Variants in XYLT1 observed in about 807,000 individuals in gnomAD.
XYLT1 encodes the protein xylosyltransferase 1, also known as beta-D-xylosyltransferase 1.
A neutral mutation model predicts 91.3 loss-of-function variants in XYLT1; 36 were observed. The ratio of observed to expected loss-of-function variants is 0.39; its 90% CI spans 0.30 to 0.52. The LOEUF is 0.52. XYLT1 is among the 20% of genes least tolerant of loss of function. XYLT1 has a pLI of 0.68. For missense variants in XYLT1, 1,242 were observed against 1,284.5 expected (o/e 0.97, Z 0.51); for synonymous variants, 588 against 532.0 (o/e 1.11, Z -1.45).
intron 1 of XYLT1, among the ~76,000 whole-genome samples, chr16:17,466,636 T>C (rs1448581141): frequency 7.2e-5 from 11 of 152,100 alleles, no homozygotes. Context: ...AAAAAATGAA[T>C]TGATAAACTG....
At chr16:17,145,732 G>T (rs1428144001) in intron 6 of XYLT1, among the ~76,000 whole-genome samples, 1 of 152,218 alleles carries the variant, frequency 6.6e-6, no homozygotes, top group Non-Finnish European at 1.5e-5. Flanking sequence ...ATGCCTGAAT[G>T]ATTTCAACTT....
chr16:17,113,514 T>G (rs887484933), intron 11 of XYLT1, among the ~76,000 whole-genome samples: 1 of 152,216 alleles, frequency 6.6e-6, no homozygotes, highest in African/African-American at 2.4e-5. Context: ...TTTCTTACAA[T>G]GTTGGGCACT....
rs1347219754 is a variant in XYLT1, at chr16:17,470,704, G to A, written c.93C>T (p.Val31=). 1.3e-4 allele frequency: 151 copies of A among 1,166,590 alleles called. 1 individual carries two copies. The highest frequency in any genetic ancestry group is 1.6e-4 in the Non-Finnish European group (144 of 927,010). The allele number at this position is 1,166,590 out of a possible 1,614,324, so 72.3% of individuals were successfully genotyped here. ...AGTCGAGGCTGCTGAAATTCCACAC[G>A]ACCAGCGTCTGCAGCAGCAGCACCG... ...ALTVLLLQTL[V]VWNFSSLDSG... is the part of the protein sequence containing the mutation. Residue 31 remains valine (V), a synonymous_variant, in exon 1 of 12, where the codon GTC becomes GTT. Coordinates refer to ENST00000261381, the MANE Select transcript of XYLT1 (RefSeq NM_022166.4).
chr16:17,117,841 C>CG lies in XYLT1; in HGVS notation c.2361dup (p.Val788ArgfsTer13). On this transcript the variant is annotated frameshift_variant, in exon 11 of 12. Transcript: ENST00000261381. LOFTEE classifies it high-confidence loss of function. Reference sequence around the variant, plus strand: ...TCGTAGGTGGCTGCGATGACATTGACGGGATCCACCCAAATGACGGTCACG... The same window carrying CG: ...TCGTAGGTGGCTGCGATGACATTGACGGGGATCCACCCAAATGACGGTCACG... 1 of 1,614,106 alleles carries CG rather than the reference C, an allele frequency of 6.2e-7. No individual in the cohort carries two copies. Among genetic ancestry groups the CG allele is most frequent in the Non-Finnish European group, 8.5e-7 (1 of 1,180,016 alleles).
At chr16:17,179,432 T>C (rs574354594) in intron 5 of XYLT1, among the ~76,000 whole-genome samples, 6 of 152,318 alleles carry the variant, frequency 3.9e-5, no homozygotes, top group African/African-American at 1.4e-4. Flanking sequence ...CTTTTTTGGG[T>C]CATTCACAAT....
In XYLT1 at chr16:17,456,051, TA is replaced by T. The variant is rs2036737217; in HGVS notation, c.363+14382del. 7.9e-5 allele frequency among the ~76,000 whole-genome samples: 12 copies of T among 152,314 alleles called. 1 individual carries two copies. In the South Asian group the frequency reaches 2.5e-3, roughly 32 times the overall value. On this transcript the variant is annotated intron_variant, in intron 1 of 11. Coordinates refer to ENST00000261381, the MANE Select transcript of XYLT1 (RefSeq NM_022166.4). The stretch of plus-strand genomic sequence containing the variant: ...TATCAAAATATTACGTGTCAGGTGC[TA>T]CCTCTCTGCTGCAAGACTATGGATG...
intron 3 of XYLT1, among the ~76,000 whole-genome samples, chr16:17,212,484 C>T (rs1412884046): frequency 6.6e-6 from 1 of 152,112 alleles, no homozygotes; most frequent in Non-Finnish European, 1.5e-5. Context: ...TTAAAAAACG[C>T]ATCTCTCGAG....
intron 1 of XYLT1, among the ~76,000 whole-genome samples, chr16:17,375,265 A>G (rs914475042): frequency 6.6e-6 from 1 of 152,144 alleles, no homozygotes; most frequent in African/African-American, 2.4e-5. Context: ...CAACATCTCT[A>G]TGAAGTACAT....
At position 17,341,231 on chromosome 16, in the gene XYLT1, C is replaced by A. The variant is rs560935193; in HGVS notation, c.402+16781G>T. ...ATAGTTTAAAATAGGGGGAAAAAAA[C>A]CAATCTAAATGTCTACCAACAGGAA... On this transcript the variant is annotated intron_variant, in intron 2 of 11. Coordinates refer to ENST00000261381, the MANE Select transcript of XYLT1 (RefSeq NM_022166.4). 2.3e-3 allele frequency among the ~76,000 whole-genome samples: 348 copies of A among 152,196 alleles called. 1 individual carries two copies. Among genetic ancestry groups the A allele is most frequent in the African/African-American group, 7.4e-3 (306 of 41,544 alleles).
chr16:17,131,359 A>C (rs2030466962), intron 9 of XYLT1, among the ~76,000 whole-genome samples: 1 of 152,210 alleles, frequency 6.6e-6, no homozygotes, highest in African/African-American at 2.4e-5. Flanking sequence ...AATGCAACCG[A>C]AGTATTCGTT....
chr16:17,238,752 G>A (rs1013771829), intron 3 of XYLT1, among the ~76,000 whole-genome samples: 1 of 152,202 alleles, frequency 6.6e-6, no homozygotes, highest in Non-Finnish European at 1.5e-5. Flanking sequence ...CAAGTGTGTG[G>A]CAACTTTAGG....
intron 5 of XYLT1, among the ~76,000 whole-genome samples, chr16:17,179,392 A>C (rs746488022): frequency 7.2e-5 from 11 of 152,206 alleles, no homozygotes; most frequent in Non-Finnish European, 1.6e-4. Flanking sequence ...GCTAGAAAAG[A>C]AGTTTGTTGA....
chr16:17,245,244 T>C (rs944009610), intron 3 of XYLT1, among the ~76,000 whole-genome samples: 1 of 152,198 alleles, frequency 6.6e-6, no homozygotes, highest in Non-Finnish European at 1.5e-5. Context: ...GGGCAAGTTC[T>C]TAAAAATCGT....
chr16:17,240,208 T>C (rs906760268), intron 3 of XYLT1, among the ~76,000 whole-genome samples: 3 of 152,110 alleles, frequency 2.0e-5, no homozygotes, highest in African/African-American at 7.2e-5. Context: ...AAGACTAGCA[T>C]GTGGGGAAGC....
chr16:17,347,791 G>C (rs185439683), intron 2 of XYLT1, among the ~76,000 whole-genome samples: 25 of 152,356 alleles, frequency 1.6e-4, no homozygotes, highest in African/African-American at 5.8e-4. Flanking sequence ...AAACTGAAGA[G>C]ACTGTACAAA....
chr16:17,211,321 T>G (rs1362435995), intron 3 of XYLT1, among the ~76,000 whole-genome samples: 1 of 152,204 alleles, frequency 6.6e-6, no homozygotes, highest in African/African-American at 2.4e-5. Context: ...CCATCCATCC[T>G]GCAAGGACCC....
intron 1 of XYLT1, among the ~76,000 whole-genome samples, chr16:17,415,156 T>C (rs1235105669): frequency 2.0e-5 from 3 of 152,208 alleles, no homozygotes; most frequent in Middle Eastern, 6.8e-3. Context: ...AACACAAAGC[T>C]GGAATTGGTG....
At chr16:17,195,205 A>G (rs1026895731) in intron 5 of XYLT1, among the ~76,000 whole-genome samples, 6 of 152,206 alleles carry the variant, frequency 3.9e-5, no homozygotes, top group Admixed American at 2.6e-4. Flanking sequence ...GATGCTACGC[A>G]TCCTGCAATG....
chr16:17,118,285 C>CAAATGAATGAAT (rs1555478660), intron 10 of XYLT1, among the ~76,000 whole-genome samples: 1 of 151,352 alleles, frequency 6.6e-6, no homozygotes. Context: ...AATGAATGAA[C>CAAATGAATGAAT]GAATGAATGA....
Sources: allele counts gnomAD v4.1 joint callset (sites outside exome capture counted in the v4.1 genomes callset), GRCh38; gene constraint gnomAD v4.1.1; transcripts MANE v1.5; gene names NCBI Gene and HGNC (gene_info 2026-07-23, HGNC 2026-07-21).